The following HLCS variants were observed in gnomAD, a reference collection of about 807,000 sequenced individuals.
HLCS encodes the protein biotin--protein ligase.
In HLCS, 53 loss-of-function variants were observed where a neutral mutation model predicts 75.0. The observed-to-expected ratio is 0.71, with a 90% confidence interval of 0.57 to 0.89. HLCS has a LOEUF of 0.89. HLCS is among the 40% of genes least tolerant of loss of function. The pLI, the probability that HLCS is intolerant of heterozygous loss-of-function variation, is 0.00. For missense variants in HLCS, 966 were observed against 1,074.0 expected (o/e 0.90, Z 1.41); for synonymous variants, 431 against 428.6 (o/e 1.01, Z -0.07).
intron 6 of HLCS, among the ~76,000 whole-genome samples, chr21:36,837,033 A>T (rs1323417318): frequency 6.6e-6 from 1 of 152,132 alleles, no homozygotes; most frequent in Non-Finnish European, 1.5e-5. Flanking sequence ...AAATACAAAA[A>T]TTAGCCAGGC....
At chr21:36,942,308 G>A (rs561267758) in intron 2 of HLCS, among the ~76,000 whole-genome samples, 18 of 150,442 alleles carry the variant, frequency 1.2e-4, no homozygotes, top group African/African-American at 3.2e-4. Flanking sequence ...GGAGGCTCAC[G>A]CCTGCAATCC....
intron 5 of HLCS, among the ~76,000 whole-genome samples, chr21:36,914,543 T>C (rs370867578): frequency 1.2e-3 from 180 of 152,334 alleles, no homozygotes; most frequent in African/African-American, 3.7e-3. Context: ...ATTTTTTTGT[T>C]ACCTGCCAAC....
intron 6 of HLCS, among the ~76,000 whole-genome samples, chr21:36,888,729 C>T (rs2064639182): frequency 6.6e-6 from 1 of 151,652 alleles, no homozygotes; most frequent in African/African-American, 2.4e-5. Flanking sequence ...TGGAGAGCAT[C>T]TAGTGTTCCA....
intron 1 of HLCS, chr21:36,980,980 T>A (rs1474152884): frequency 6.6e-6 from 1 of 151,258 alleles, no homozygotes; most frequent in Non-Finnish European, 1.5e-5. Flanking sequence ...CCGCGGGGGA[T>A]CCCTACCTGT....
At chr21:36,917,570 G>T (rs1191509836) in intron 5 of HLCS, among the ~76,000 whole-genome samples, 2 of 152,186 alleles carry the variant, frequency 1.3e-5, no homozygotes. Flanking sequence ...ATTTTGTCCA[G>T]TTCCTACGTC....
At position 36,749,858 on chromosome 21, in the gene HLCS, G is replaced by A. The variant is rs758273651; in HGVS notation, c.*4388C>T. 6.6e-6 allele frequency: 1 copy of A among 152,066 alleles called. No individual in the cohort carries two copies. Among genetic ancestry groups the A allele is most frequent in the African/African-American group, 2.4e-5 (1 of 41,394 alleles). The allele number at this position is 152,066 out of a possible 1,614,324, so 9.4% of individuals were successfully genotyped here. On this transcript the variant is annotated 3_prime_UTR_variant, in exon 11 of 11. Transcript: ENST00000674895. Reference sequence around the variant, plus strand: ...TTAGTAAAAATAAATCAAGGCTATCGGAGCAGTTCAATAACAAAGGTTACT... The same window carrying A: ...TTAGTAAAAATAAATCAAGGCTATCAGAGCAGTTCAATAACAAAGGTTACT...
intron 6 of HLCS, among the ~76,000 whole-genome samples, chr21:36,797,186 ACT>A (rs1267712894): frequency 6.6e-6 from 1 of 152,066 alleles, no homozygotes; most frequent in Non-Finnish European, 1.5e-5. Flanking sequence ...CTCTCTTAAC[ACT>A]GCCCTGACAT....
upstream of HLCS, among the ~76,000 whole-genome samples, chr21:36,970,332 A>C (rs2068751558): frequency 6.6e-6 from 1 of 152,096 alleles, no homozygotes; most frequent in African/African-American, 2.4e-5. Flanking sequence ...TCGTGGGCTC[A>C]AGCAATCCTC....
At chr21:36,850,334 G>A (rs370676632) in intron 6 of HLCS, among the ~76,000 whole-genome samples, 275 of 152,360 alleles carry the variant, frequency 1.8e-3, no homozygotes, top group African/African-American at 6.0e-3. Flanking sequence ...AGGCAACTCC[G>A]GGGCAGCTCA....
intron 6 of HLCS, among the ~76,000 whole-genome samples, chr21:36,836,624 G>A (rs1601453501): frequency 1.3e-5 from 2 of 150,944 alleles, no homozygotes; most frequent in East Asian, 3.9e-4. Flanking sequence ...TCTGACAAAG[G>A]GCTAATATCC....
intron 6 of HLCS, among the ~76,000 whole-genome samples, chr21:36,850,617 G>A (rs932537797): frequency 1.2e-4 from 17 of 136,040 alleles, no homozygotes; most frequent in African/African-American, 5.7e-4. Context: ...GGAGACCCCT[G>A]TTCCTCCCAG....
In HLCS at chr21:36,765,158, C is replaced by G; in HGVS notation, c.1975G>C (p.Val659Leu). Residue 659 changes from valine to leucine, a missense_variant, in exon 8 of 11, where the codon GTG becomes CTG. Physicochemically the swap from Val to Leu is conservative, Grantham distance 32. Transcript: ENST00000674895. ...QTEGKGRGGN[V>L]WLSPVGCALS... ...GCACATCCCACAGGGCTCAGCCACA[C>G]ATTCCCTCCCCGTCCTGGAACACAG... The G allele has an allele frequency of 6.2e-7, 1 of 1,614,230 alleles. No individual in the cohort carries two copies. Among genetic ancestry groups the G allele is most frequent in the Non-Finnish European group, 8.5e-7 (1 of 1,180,038 alleles).
chr21:36,761,951 T>C (rs1174398058), intron 8 of HLCS, among the ~76,000 whole-genome samples: 1 of 152,244 alleles, frequency 6.6e-6, no homozygotes, highest in Admixed American at 6.5e-5. Flanking sequence ...CTCGCCTTCA[T>C]GGCTTCAGAT....
At chr21:36,755,666 C>T (rs1448944487) in intron 10 of HLCS, among the ~76,000 whole-genome samples, 1 of 152,222 alleles carries the variant, frequency 6.6e-6, no homozygotes, top group African/African-American at 2.4e-5. Flanking sequence ...TCTCTAATCC[C>T]AAACAATTCT....
intron 6 of HLCS, among the ~76,000 whole-genome samples, chr21:36,783,354 CA>C (rs2060589334): frequency 6.6e-6 from 1 of 152,092 alleles, no homozygotes; most frequent in Non-Finnish European, 1.5e-5. Flanking sequence ...CCACTGTTCC[CA>C]AAGCTATTTT....
chr21:36,937,128 C>T lies in HLCS; in HGVS notation c.758G>A (p.Cys253Tyr). 1 of 1,614,174 alleles carries T rather than the reference C, an allele frequency of 6.2e-7. No individual in the cohort carries two copies. Among genetic ancestry groups the T allele is most frequent in the African/African-American group, 1.3e-5 (1 of 75,030 alleles). The change falls in exon 4 of 11, where the codon TGC becomes TAC. Residue 253 changes from cysteine to tyrosine, a missense_variant. Coordinates refer to ENST00000674895, the MANE Select transcript of HLCS (RefSeq NM_001352514.2). Reference sequence around the variant, plus strand: ...GTTCTCAAGTTCCAGACACTCGTGGCAACTAGACAGATGGAGGTGATAATG... The same window carrying T: ...GTTCTCAAGTTCCAGACACTCGTGGTAACTAGACAGATGGAGGTGATAATG... The part of the protein sequence containing the change: ...VEHYHLHLSS[C>Y]HECLELENST...
At position 36,835,586 on chromosome 21, in the gene HLCS, G is replaced by C. The variant is rs1301941670; in HGVS notation, c.1892+61274C>G. Among the ~76,000 whole-genome samples, 7 of 152,150 alleles carry C rather than the reference G, an allele frequency of 4.6e-5. No homozygotes were observed. In the East Asian group the frequency reaches 1.4e-3, roughly 29 times the overall value. ...TATCCTACTCACTGTGAGACTCTGG[G>C]GAGGAGCTCCACTCTCACTGGCCCA... On this transcript the variant is annotated intron_variant, in intron 6 of 10. Coordinates refer to ENST00000674895, the MANE Select transcript of HLCS (RefSeq NM_001352514.2).
chr21:36,849,497 G>A (rs1297882307), intron 6 of HLCS, among the ~76,000 whole-genome samples: 1 of 152,224 alleles, frequency 6.6e-6, no homozygotes, highest in Non-Finnish European at 1.5e-5. Flanking sequence ...AGCCCCTGGG[G>A]GCATCTGGGT....
chr21:36,798,646 C>T (rs1601300017), intron 6 of HLCS, among the ~76,000 whole-genome samples: 2 of 152,172 alleles, frequency 1.3e-5, no homozygotes, highest in East Asian at 3.9e-4. Context: ...TCTGCATTCC[C>T]ACCAGTAACA....
Sources: gnomAD v4.1 joint callset for allele counts (sites outside exome capture counted in the v4.1 genomes callset) on GRCh38, gnomAD v4.1.1 for gene constraint, MANE v1.5 for transcripts, NCBI Gene and HGNC (gene_info 2026-07-23, HGNC 2026-07-21) for gene names.